The following DNAH14 variants were observed in gnomAD, a reference collection of about 807,000 sequenced individuals.
DNAH14 encodes axonemal beta dynein heavy chain 14.
Under a neutral mutation model 520.9 loss-of-function variants are expected in DNAH14, and 478 were observed. The observed-to-expected ratio is 0.92, with a 90% confidence interval of 0.85 to 0.99. The LOEUF (loss-of-function observed/expected upper bound fraction) is 0.99. DNAH14 is among the 50% of genes least tolerant of loss of function. DNAH14 has a pLI of 0.00. For synonymous variants in DNAH14, 1,581 were observed against 1,757.2 expected (o/e 0.90, Z 2.51); for missense variants, 4,831 against 5,234.5 (o/e 0.92, Z 2.38).
intron 41 of DNAH14, among the ~76,000 whole-genome samples, chr1:225,216,403 G>C (rs1574058388): frequency 6.6e-6 from 1 of 152,146 alleles, no homozygotes; most frequent in African/African-American, 2.4e-5. Flanking sequence ...GAGTATCTTT[G>C]TGGCATTCTC....
Position 225,357,641 on chromosome 1 carries a change from A to C in DNAH14, c.11620-855A>C, listed in dbSNP as rs1344318799. 7.9e-6 allele frequency: 4 copies of C among 508,034 alleles called. No individual in the cohort carries two copies. The East Asian group carries it at 1.2e-4, about 15-fold the overall frequency. 31.5% of individuals were successfully genotyped at this position (508,034 alleles called of 1,614,324 possible). On this transcript the variant is annotated intron_variant, in intron 73 of 85. Transcript: ENST00000682510. ...ATTTTAAGAATAATTTTTCCAAAAC[A>C]TAACAGAAAAGAGCAGAATTCAGCA...
chr1:225,138,689 A>C (rs766002362), intron 27 of DNAH14, among the ~76,000 whole-genome samples: 10 of 152,028 alleles, frequency 6.6e-5, no homozygotes, highest in Admixed American at 2.0e-4. Context: ...TGGGAAAAGC[A>C]TGGTTTCCCG....
chr1:225,331,796 C>T (rs1266165181), intron 65 of DNAH14, among the ~76,000 whole-genome samples: 8 of 152,170 alleles, frequency 5.3e-5, no homozygotes, highest in Non-Finnish European at 1.5e-5. Context: ...GACGTTATCT[C>T]CTGTTCTGAA....
intron 68 of DNAH14, among the ~76,000 whole-genome samples, chr1:225,339,387 G>T (rs1370026302): frequency 6.6e-6 from 1 of 152,098 alleles, no homozygotes; most frequent in Non-Finnish European, 1.5e-5. Flanking sequence ...CATTTCCATG[G>T]TTTAATAGGT....
chr1:225,099,791 T>G (rs2075295887), intron 22 of DNAH14, among the ~76,000 whole-genome samples: 1 of 152,118 alleles, frequency 6.6e-6, no homozygotes, highest in Non-Finnish European at 1.5e-5. Context: ...TGGGGTACTC[T>G]GAAATCTCCA....
intron 73 of DNAH14, 78 bp downstream of exon 73, chr1:225,353,966 A>T (rs2150493184): frequency 2.4e-6 from 2 of 836,102 alleles, no homozygotes; most frequent in South Asian, 3.3e-5. Flanking sequence ...CTTCAAAATT[A>T]AAATTTTACA....
intron 64 of DNAH14, among the ~76,000 whole-genome samples, chr1:225,329,710 A>T (rs943232034): frequency 3.3e-5 from 5 of 152,150 alleles, no homozygotes; most frequent in African/African-American, 1.2e-4. Flanking sequence ...TTGAGAAAAC[A>T]TTGGGGAAAA....
At chr1:225,348,148 G>A (rs933113643) in intron 71 of DNAH14, among the ~76,000 whole-genome samples, 8 of 152,010 alleles carry the variant, frequency 5.3e-5, no homozygotes, top group African/African-American at 1.9e-4. Flanking sequence ...CAAACTTGAA[G>A]ACAGGTCATT....
At chr1:224,943,914 A>G (rs1459151341) in intron 1 of DNAH14, among the ~76,000 whole-genome samples, 1 of 152,168 alleles carries the variant, frequency 6.6e-6, no homozygotes, top group African/African-American at 2.4e-5. Context: ...TTTACTTCCA[A>G]CTATGTGGTC....
intron 55 of DNAH14, among the ~76,000 whole-genome samples, chr1:225,295,726 C>T (rs2150033530): frequency 6.6e-6 from 1 of 152,220 alleles, no homozygotes; most frequent in East Asian, 1.9e-4. Flanking sequence ...TATTCTGTTG[C>T]TGTTGAGTGA....
chr1:225,013,418 G>A (rs2064963903), intron 10 of DNAH14, among the ~76,000 whole-genome samples: 1 of 152,194 alleles, frequency 6.6e-6, no homozygotes, highest in Non-Finnish European at 1.5e-5. Flanking sequence ...ACTGGGAGGT[G>A]TTTCCCAGTC....
chr1:225,311,026 G>C (rs2094353625), intron 60 of DNAH14, among the ~76,000 whole-genome samples: 1 of 152,150 alleles, frequency 6.6e-6, no homozygotes, highest in African/African-American at 2.4e-5. Context: ...TTCCCACACT[G>C]TCTTCCACAA....
At position 225,185,278 on chromosome 1, in the gene DNAH14, A is replaced by T. The variant is rs1207659570; in HGVS notation, c.5536-13A>T. Reference sequence around the variant, plus strand: ...TCATTAATGAATGAATAAATCTGTAAATTTTGTTTTAGGTTTGTGTTGGTG... The same window carrying T: ...TCATTAATGAATGAATAAATCTGTATATTTTGTTTTAGGTTTGTGTTGGTG... On this transcript the variant is annotated splice_polypyrimidine_tract_variant and intron_variant, in intron 36 of 85. Coordinates refer to ENST00000682510, the MANE Select transcript of DNAH14 (RefSeq NM_001367479.1). 4 of 1,538,110 alleles carry T rather than the reference A, an allele frequency of 2.6e-6. No individual in the cohort carries two copies. The highest frequency in any genetic ancestry group is 3.5e-6 in the Non-Finnish European group (4 of 1,143,000).
chr1:225,291,304 A>G (rs1574557742), intron 55 of DNAH14, among the ~76,000 whole-genome samples: 1 of 152,130 alleles, frequency 6.6e-6, no homozygotes, highest in Non-Finnish European at 1.5e-5. Flanking sequence ...GGCTATTGTG[A>G]AAAGAGCTGT....
At chr1:225,240,564 C>T in intron 42 of DNAH14, 29 bp from the exon 43 acceptor site, 1 of 1,330,744 alleles carries the variant, frequency 7.5e-7, no homozygotes, top group Non-Finnish European at 1.0e-6. Flanking sequence ...AAATGTTAAC[C>T]TTCATCCTTC....
chr1:225,183,169 C>G (rs2149303039), intron 36 of DNAH14, among the ~76,000 whole-genome samples: 1 of 152,318 alleles, frequency 6.6e-6, no homozygotes, highest in East Asian at 1.9e-4. Context: ...ACCCTGATTC[C>G]AGGCAGATAC....
At chr1:225,159,872 A>C (rs931790476) in intron 35 of DNAH14, among the ~76,000 whole-genome samples, 1 of 152,206 alleles carries the variant, frequency 6.6e-6, no homozygotes. Flanking sequence ...AAAATTACAT[A>C]TTATAATGAC....
intron 72 of DNAH14, among the ~76,000 whole-genome samples, chr1:225,352,298 A>T (rs2095376001): frequency 6.6e-6 from 1 of 151,692 alleles, no homozygotes; most frequent in South Asian, 2.1e-4. Flanking sequence ...TCCACTTCGA[A>T]CTCTCCTCCG....
chr1:225,186,979 C>G (rs186912112), intron 37 of DNAH14, among the ~76,000 whole-genome samples: 2 of 151,920 alleles, frequency 1.3e-5, no homozygotes, highest in East Asian at 1.9e-4. Context: ...AAGACCTTCT[C>G]TTTATTTTAG....
Sources: allele counts gnomAD v4.1 joint callset (sites outside exome capture counted in the v4.1 genomes callset), GRCh38; gene constraint gnomAD v4.1.1; transcripts MANE v1.5; gene names NCBI Gene and HGNC (gene_info 2026-07-23, HGNC 2026-07-21).